The following TBC1D32 variants were observed in gnomAD, a reference collection of about 807,000 sequenced individuals.
The protein encoded by TBC1D32 is TBC1 domain family member 32, also known as protein broad-minded.
In TBC1D32, 151 loss-of-function variants were observed where a neutral mutation model predicts 170.3. The ratio of observed to expected loss-of-function variants is 0.89; its 90% CI spans 0.78 to 1.01. The LOEUF (loss-of-function observed/expected upper bound fraction) is 1.01, where lower values mean the gene tolerates loss of function less well. Among genes scored for constraint, TBC1D32 ranks in the 50% least tolerant of loss-of-function variants. The pLI, the probability that TBC1D32 is intolerant of heterozygous loss-of-function variation, is 0.00. For synonymous variants in TBC1D32, 498 were observed against 488.0 expected (o/e 1.02, Z -0.27); for missense variants, 1,464 against 1,457.1 (o/e 1.00, Z -0.08).
At chr6:121,238,258 A>C (rs1326053219) in intron 20 of TBC1D32, among the ~76,000 whole-genome samples, 2 of 152,098 alleles carry the variant, frequency 1.3e-5, no homozygotes, top group Non-Finnish European at 1.5e-5. Flanking sequence ...TTAAGCAAAA[A>C]TCTGTTAAAT....
chr6:121,080,935 C>A (rs1293110233), intron 31 of TBC1D32, 45 bp from the exon 32 acceptor site: 2 of 1,592,408 alleles, frequency 1.3e-6, no homozygotes, highest in East Asian at 2.2e-5. Context: ...GAGTAAGACA[C>A]ACAATTCCAA....
chr6:121,115,846 T>C (rs1779633065), intron 26 of TBC1D32: 1 of 152,240 alleles, frequency 6.6e-6, no homozygotes, highest in Non-Finnish European at 1.5e-5. Context: ...ACAAATAAGA[T>C]AGTGATTAGC....
chr6:121,090,803 C>T, intron 31 of TBC1D32, 50 bp downstream of exon 31: 1 of 1,544,860 alleles, frequency 6.5e-7, no homozygotes, highest in Non-Finnish European at 8.8e-7. Context: ...ATTAAGCAAC[C>T]AAAGTTAGCT....
At chr6:121,224,815 C>T (rs920879436) in intron 20 of TBC1D32, among the ~76,000 whole-genome samples, 6 of 151,964 alleles carry the variant, frequency 3.9e-5, no homozygotes, top group African/African-American at 1.4e-4. Flanking sequence ...TTAATAAAGG[C>T]TATTTCTGTC....
At chr6:121,102,154 C>A (rs933273614) in intron 30 of TBC1D32, among the ~76,000 whole-genome samples, 3 of 152,040 alleles carry the variant, frequency 2.0e-5, no homozygotes, top group African/African-American at 4.8e-5. Context: ...GTGAAAATGG[C>A]CATACTGCCC....
intron 22 of TBC1D32, among the ~76,000 whole-genome samples, chr6:121,200,587 A>C (rs528961082): frequency 6.6e-6 from 1 of 151,632 alleles, no homozygotes; most frequent in African/African-American, 2.4e-5. Context: ...ACTCAAAACG[A>C]TCTGGCAATG....
intron 24 of TBC1D32, among the ~76,000 whole-genome samples, chr6:121,136,975 A>G (rs1782165084): frequency 6.6e-6 from 1 of 152,224 alleles, no homozygotes; most frequent in Admixed American, 6.5e-5. Context: ...AGATTTAATT[A>G]AAAGTATATG....
chr6:121,252,228 T>C (rs1798389892), intron 17 of TBC1D32, among the ~76,000 whole-genome samples: 2 of 152,314 alleles, frequency 1.3e-5, no homozygotes, highest in South Asian at 2.1e-4. Flanking sequence ...ACTGGGTATA[T>C]ACCCGAAGGA....
At chr6:121,137,580 T>C (rs943360813) in intron 24 of TBC1D32, among the ~76,000 whole-genome samples, 4 of 151,704 alleles carry the variant, frequency 2.6e-5, no homozygotes, top group Non-Finnish European at 4.4e-5. Context: ...AAAAAATCGA[T>C]TGATAGTTGA....
intron 26 of TBC1D32, among the ~76,000 whole-genome samples, chr6:121,123,634 T>A (rs2128209486): frequency 6.6e-6 from 1 of 152,224 alleles, no homozygotes; most frequent in East Asian, 1.9e-4. Flanking sequence ...TCTTGATAAG[T>A]GGAGTGAGTT....
intron 21 of TBC1D32, among the ~76,000 whole-genome samples, chr6:121,213,473 A>G (rs1793364358): frequency 1.4e-4 from 1 of 7,350 alleles, no homozygotes; most frequent in Non-Finnish European, 7.4e-4. Flanking sequence ...TAATAATAAA[A>G]TAAAATAAAA....
chr6:121,227,373 T>C (rs1440072389), intron 20 of TBC1D32, among the ~76,000 whole-genome samples: 1 of 152,156 alleles, frequency 6.6e-6, no homozygotes, highest in Non-Finnish European at 1.5e-5. Flanking sequence ...TCTTGCCTTA[T>C]TATACTTACA....
chr6:121,177,029 T>A (rs1157845598), intron 22 of TBC1D32, among the ~76,000 whole-genome samples: 1 of 151,686 alleles, frequency 6.6e-6, no homozygotes, highest in African/African-American at 2.4e-5. Flanking sequence ...CCTGAATATG[T>A]CATTTTTTTT....
intron 22 of TBC1D32, among the ~76,000 whole-genome samples, chr6:121,184,830 C>T (rs2128278515): frequency 6.6e-6 from 1 of 151,996 alleles, no homozygotes; most frequent in South Asian, 2.1e-4. Context: ...GAGCTCCCAC[C>T]ATCGTGGCCA....
At chr6:121,264,516 A>T (rs1800193834) in intron 15 of TBC1D32, among the ~76,000 whole-genome samples, 1 of 152,178 alleles carries the variant, frequency 6.6e-6, no homozygotes, top group Non-Finnish European at 1.5e-5. Flanking sequence ...TTCCTGCTGA[A>T]ACTATTCCTA....
intron 17 of TBC1D32, among the ~76,000 whole-genome samples, chr6:121,252,732 A>G (rs1798459785): frequency 6.6e-6 from 1 of 152,130 alleles, no homozygotes; most frequent in Non-Finnish European, 1.5e-5. Flanking sequence ...AACTTAATGT[A>G]TAATAAATAA....
chr6:121,258,637 A>G (rs1171702574), intron 15 of TBC1D32, among the ~76,000 whole-genome samples: 2 of 152,190 alleles, frequency 1.3e-5, no homozygotes, highest in Non-Finnish European at 2.9e-5. Context: ...TCTTTTAAAA[A>G]TATAAACAAA....
intron 29 of TBC1D32, among the ~76,000 whole-genome samples, chr6:121,112,103 A>T (rs1468257927): frequency 1.3e-5 from 2 of 152,176 alleles, no homozygotes; most frequent in Admixed American, 6.5e-5. Flanking sequence ...ATAATTTTCT[A>T]TAGAAAATAG....
intron 22 of TBC1D32, among the ~76,000 whole-genome samples, chr6:121,204,695 C>G (rs1792006677): frequency 6.6e-6 from 1 of 151,252 alleles, no homozygotes; most frequent in Non-Finnish European, 1.5e-5. Context: ...AAGAGCAAAA[C>G]TTGGGCCTCA....
Sources: allele counts gnomAD v4.1 joint callset (sites outside exome capture counted in the v4.1 genomes callset), GRCh38; gene constraint gnomAD v4.1.1; transcripts MANE v1.5; gene names NCBI Gene and HGNC (gene_info 2026-07-23, HGNC 2026-07-21).